MAFK: variants seen among roughly 807,000 people sequenced by gnomAD.
MAFK encodes the protein MAF bZIP transcription factor K, also known as transcription factor MafK.
A neutral mutation model predicts 9.2 loss-of-function variants in MAFK; 1 was observed. The observed-to-expected ratio is 0.11, with a 90% CI of 0.04 to 0.52. MAFK has a LOEUF of 0.52. Among genes scored for constraint, MAFK ranks in the 20% least tolerant of loss-of-function variants. The pLI, the probability that MAFK is intolerant of heterozygous loss-of-function variation, is 0.94. For missense variants in MAFK, 207 were observed against 236.0 expected (o/e 0.88, Z 0.81); for synonymous variants, 110 against 107.4 (o/e 1.02, Z -0.15).
intron 1 of MAFK, among the ~76,000 whole-genome samples, chr7:1,533,240 C>T (rs1014547720): frequency 6.6e-6 from 1 of 152,188 alleles, no homozygotes; most frequent in Non-Finnish European, 1.5e-5. Flanking sequence ...GTCGGGTGTC[C>T]TGGGGAAGGT....
intron 1 of MAFK, chr7:1,538,329 G>A: frequency 1.0e-6 from 1 of 985,484 alleles, no homozygotes; most frequent in Non-Finnish European, 1.2e-6. Context: ...CCACCTCCCT[G>A]GTCTCTGGCT....
chr7:1,534,065 G>A lies in MAFK; in HGVS notation c.-45+3167G>A, dbSNP rs545131341. The A allele has an allele frequency of 1.3e-4, 47 of 363,684 alleles. 1 individual carries two copies. The highest frequency in any genetic ancestry group is 7.9e-4 in the South Asian group (41 of 51,882). 22.5% of individuals were successfully genotyped at this position (363,684 alleles called of 1,614,324 possible). A position where few individuals can be genotyped will look rare whatever the true frequency, so the allele number is the denominator to read the frequency against. On this transcript the variant is annotated intron_variant, in intron 1 of 2. Coordinates refer to ENST00000343242, the MANE Select transcript of MAFK (RefSeq NM_002360.4). This position sits in a 1 kb window ranked among gnomAD's most constrained non-coding sequence, Gnocchi z 4.3. The stretch of plus-strand genomic sequence containing the variant: ...GACTGCAAATGCAAGGTGACCAGAC[G>A]TCCTCCAAGCCGGGCCGACAGTCAT...
rs780224701 is a variant in MAFK, at chr7:1,534,588, C to T, written c.-45+3690C>T. ...TCTTCCTCCTGCCCCTCCTCCCTCTCCCGCATCCCACATCCTCGGAGACCC... is the reference window on the plus strand; with the variant it reads ...TCTTCCTCCTGCCCCTCCTCCCTCTTCCGCATCCCACATCCTCGGAGACCC... On this transcript the variant is annotated intron_variant, in intron 1 of 2. Transcript: ENST00000343242. This position sits in a 1 kb window ranked among gnomAD's most constrained non-coding sequence, Gnocchi z 4.3. 1.8e-5 allele frequency: 8 copies of T among 456,392 alleles called. No individual in the cohort carries two copies. The Admixed American group carries it at 1.9e-4, about 11-fold the overall frequency. The allele number at this position is 456,392 out of a possible 1,614,324, so 28.3% of individuals were successfully genotyped here. A position where few individuals can be genotyped will look rare whatever the true frequency, so the allele number is the denominator to read the frequency against.
chr7:1,539,091 T>A, intron 1 of MAFK, 58 bp from the exon 2 acceptor site: 1 of 1,376,888 alleles, frequency 7.3e-7, no homozygotes, highest in Non-Finnish European at 1.0e-6. Context: ...GTGGGCACCC[T>A]GTCCGGCGCT....
chr7:1,540,424 GT>G lies in MAFK; in HGVS notation c.*50del. 4 of 1,167,996 alleles carry G rather than the reference GT, an allele frequency of 3.4e-6. No individual in the cohort carries two copies. Among genetic ancestry groups the G allele is most frequent in the Non-Finnish European group, 4.8e-6 (4 of 841,206 alleles). 72.4% of individuals were successfully genotyped at this position (1,167,996 alleles called of 1,614,324 possible). On this transcript the variant is annotated 3_prime_UTR_variant, in exon 3 of 3. Coordinates refer to ENST00000343242, the MANE Select transcript of MAFK (RefSeq NM_002360.4). ...CGGGCGGCGGGCGGCGGGCAGGCGG[GT>G]GGGGGCACACCCCTCGTACCTGTCA...
intron 1 of MAFK, chr7:1,537,468 G>T: frequency 1.0e-6 from 1 of 985,614 alleles, no homozygotes; most frequent in Non-Finnish European, 1.2e-6. Flanking sequence ...GTTTCTCATG[G>T]TGCTCCCAGC....
At chr7:1,531,602 G>A (rs73042767) in intron 1 of MAFK, among the ~76,000 whole-genome samples, 77,726 of 151,904 alleles carry the variant, frequency 0.51, 20,081 homozygotes, top group East Asian at 0.65. Flanking sequence ...GTGGGGCAGG[G>A]GCTCCGGCCT....
intron 1 of MAFK, chr7:1,537,301 C>T: frequency 9.2e-6 from 8 of 870,312 alleles, no homozygotes; most frequent in Non-Finnish European, 1.1e-5. Context: ...AGGAGCGGGT[C>T]CTTGCTGGGT....
Position 1,540,516 on chromosome 7 carries a change from A to G in MAFK, c.*141A>G, listed in dbSNP as rs944779627. ...CCCTCGGGCGCAGGCAGCTCACACC[A>G]GGAAGAGACTGTATTGCAGGGTGAA... On this transcript the variant is annotated 3_prime_UTR_variant, in exon 3 of 3. Transcript: ENST00000343242. 1.7e-4 allele frequency: 140 copies of G among 844,504 alleles called. No individual in the cohort carries two copies. The highest frequency in any genetic ancestry group is 3.9e-4 in the Admixed American group (13 of 33,230). 52.3% of individuals were successfully genotyped at this position (844,504 alleles called of 1,614,324 possible).
rs1359274271 is a variant in MAFK, at chr7:1,541,378, T to A, written c.*1003T>A. On this transcript the variant is annotated 3_prime_UTR_variant, in exon 3 of 3. Coordinates refer to ENST00000343242, the MANE Select transcript of MAFK (RefSeq NM_002360.4). ...TTGGGGGCCTGGCGAGGGGAAGGGC[T>A]GCTGCAGTCTAGGGAGAGGGGGTGC... The A allele has an allele frequency of 6.5e-6, 1 of 152,832 alleles. No homozygotes were observed. The highest frequency in any genetic ancestry group is 1.5e-5 in the Non-Finnish European group (1 of 68,520). 9.5% of individuals were successfully genotyped at this position (152,832 alleles called of 1,614,324 possible).
chr7:1,535,181 C>A (rs4720837), intron 1 of MAFK, among the ~76,000 whole-genome samples: 85,936 of 149,002 alleles, frequency 0.58, 25,044 homozygotes, highest in African/African-American at 0.65. Flanking sequence ...GGAGGCGTTG[C>A]TATTACAGGC....
chr7:1,533,976 T>A (rs917594335), intron 1 of MAFK: 8 of 344,206 alleles, frequency 2.3e-5, no homozygotes, highest in Middle Eastern at 1.1e-3. Context: ...TTCTGCAGTC[T>A]GCTCTCTGCT....
rs749068603 is a variant in MAFK at position 1,540,597 on chromosome 7, C to T, written c.*222C>T. Reference sequence around the variant, plus strand: ...GCCGGTCCACAGACACACTCACGCCCGCCACCTGCTCCCCGCAGGATGTGT... The same window carrying T: ...GCCGGTCCACAGACACACTCACGCCTGCCACCTGCTCCCCGCAGGATGTGT... On this transcript the variant is annotated 3_prime_UTR_variant, in exon 3 of 3. Coordinates refer to ENST00000343242, the MANE Select transcript of MAFK (RefSeq NM_002360.4). The T allele has an allele frequency of 2.4e-5, 13 of 542,984 alleles. No individual in the cohort carries two copies. The highest frequency in any genetic ancestry group is 1.2e-4 in the South Asian group (5 of 42,100). The allele number at this position is 542,984 out of a possible 1,614,324, so 33.6% of individuals were successfully genotyped here. A position where few individuals can be genotyped will look rare whatever the true frequency, so the allele number is the denominator to read the frequency against.
Position 1,540,174 on chromosome 7 carries a change from G to A in MAFK, c.270G>A (p.Val90=), listed in dbSNP as rs911417074. 2 of 1,574,184 alleles carry A rather than the reference G, an allele frequency of 1.3e-6. No homozygotes were observed. Among genetic ancestry groups the A allele is most frequent in the African/African-American group, 1.3e-5 (1 of 74,074 alleles). ...ERQRVELQQE[V]EKLARENSSM... is the part of the protein sequence containing the mutation. ...AGCGCGTGGAGCTGCAGCAGGAGGT[G>A]GAGAAGCTGGCGCGTGAGAACAGCA... Residue 90 remains valine (V), a synonymous_variant, in exon 3 of 3, where the codon GTG becomes GTA. Coordinates refer to ENST00000343242, the MANE Select transcript of MAFK (RefSeq NM_002360.4).
In MAFK at chr7:1,532,769, GAGA is replaced by G. The variant is rs749431159; in HGVS notation, c.-45+1877_-45+1879del. On this transcript the variant is annotated intron_variant, in intron 1 of 2. Coordinates refer to ENST00000343242, the MANE Select transcript of MAFK (RefSeq NM_002360.4). The surrounding 1 kb of genome is among the most constrained non-coding windows in gnomAD (Gnocchi z 4.5). ...GGCAAAGCTGTTTGCCACCCAGACG[GAGA>G]AGAAGTTGTGCCTGTTCTTGTCCCA... 2.6e-5 allele frequency among the ~76,000 whole-genome samples: 4 copies of G among 152,224 alleles called. No individual in the cohort carries two copies. The highest frequency in any genetic ancestry group is 5.9e-5 in the Non-Finnish European group (4 of 68,048).
In MAFK at chr7:1,540,389, CGGG is replaced by C; in HGVS notation, c.*18_*20del. The C allele has an allele frequency of 4.3e-6, 1 of 230,954 alleles. No homozygotes were observed. Among genetic ancestry groups the C allele is most frequent in the Non-Finnish European group, 6.2e-6 (1 of 160,642 alleles). The allele number at this position is 230,954 out of a possible 1,614,324, so 14.3% of individuals were successfully genotyped here. A position where few individuals can be genotyped will look rare whatever the true frequency, so the allele number is the denominator to read the frequency against. Reference sequence around the variant, plus strand: ...GCTGCATCCTAGTGCCGGCCGGGGGCGGGGGGTGGCGGGCGGCGGGCGGCGGGC... The same window carrying C: ...GCTGCATCCTAGTGCCGGCCGGGGGCGGGTGGCGGGCGGCGGGCGGCGGGC... On this transcript the variant is annotated 3_prime_UTR_variant, in exon 3 of 3. Coordinates refer to ENST00000343242, the MANE Select transcript of MAFK (RefSeq NM_002360.4).
Position 1,534,075 on chromosome 7 carries a change from C to T in MAFK, c.-45+3177C>T, listed in dbSNP as rs1360426935. On this transcript the variant is annotated intron_variant, in intron 1 of 2. Transcript: ENST00000343242. This position sits in a 1 kb window ranked among gnomAD's most constrained non-coding sequence, Gnocchi z 4.3. ...GCAAGGTGACCAGACGTCCTCCAAG[C>T]CGGGCCGACAGTCATGGCTTGCTGG... The T allele has an allele frequency of 5.4e-6, 2 of 368,086 alleles. 1 individual carries two copies. Among genetic ancestry groups the T allele is most frequent in the South Asian group, 3.8e-5 (2 of 52,930 alleles). The allele number at this position is 368,086 out of a possible 1,614,324, so 22.8% of individuals were successfully genotyped here.
In MAFK at chr7:1,540,495, C is replaced by A; in HGVS notation, c.*120C>A. On this transcript the variant is annotated 3_prime_UTR_variant, in exon 3 of 3. Coordinates refer to ENST00000343242, the MANE Select transcript of MAFK (RefSeq NM_002360.4). ...CATCCGAGTCCAAGCGCAGGCCCCTCGGGCGCAGGCAGCTCACACCAGGAA... is the reference window on the plus strand; with the variant it reads ...CATCCGAGTCCAAGCGCAGGCCCCTAGGGCGCAGGCAGCTCACACCAGGAA... 2.5e-5 allele frequency: 25 copies of A among 1,020,188 alleles called. No individual in the cohort carries two copies. The highest frequency in any genetic ancestry group is 3.5e-5 in the Non-Finnish European group (25 of 718,630). The allele number at this position is 1,020,188 out of a possible 1,614,324, so 63.2% of individuals were successfully genotyped here.
Position 1,539,197 on chromosome 7 carries a change from C to T in MAFK, c.5C>T (p.Thr2Met), listed in dbSNP as rs561433493. The T allele has an allele frequency of 2.1e-5, 34 of 1,612,114 alleles. No individual in the cohort carries two copies. The highest frequency in any genetic ancestry group is 4.0e-5 in the African/African-American group (3 of 74,900). Residue 2 changes from threonine (T) to methionine (M), a missense_variant, in exon 2 of 3, where the codon ACG (threonine) becomes ATG (methionine). Transcript: ENST00000343242. ...CCTGGTGACCGTGCCCGGGTTATGA[C>T]GACTAATCCCAAACCGAATAAGGCA... M[T>M]TNPKPNKALK...
Sources: gnomAD v4.1 joint callset for allele counts (sites outside exome capture counted in the v4.1 genomes callset) on GRCh38, gnomAD v4.1.1 for gene constraint, Gnocchi (gnomAD v3.1) non-coding constraint, MANE v1.5 for transcripts, NCBI Gene and HGNC (gene_info 2026-07-23, HGNC 2026-07-21) for gene names.